The following NKAIN1 variants were observed in gnomAD, a reference collection of about 807,000 sequenced individuals.
NKAIN1 encodes the protein sodium/potassium-transporting ATPase subunit beta-1-interacting protein 1.
In NKAIN1, 13 loss-of-function variants were observed where a neutral mutation model predicts 31.6. That is an observed-to-expected ratio of 0.41 (90% confidence interval 0.27 to 0.65). The LOEUF is 0.65. Among genes scored for constraint, NKAIN1 ranks in the 30% least tolerant of loss-of-function variants. The probability of loss-of-function intolerance (pLI) is 0.30; values close to 1 mark genes in which losing one functional copy is unlikely to be tolerated. For missense variants in NKAIN1, 193 were observed against 262.2 expected (o/e 0.74, Z 1.82); for synonymous variants, 104 against 109.0 (o/e 0.95, Z 0.28).
rs536322767 is a variant in NKAIN1 at position 31,209,033 on chromosome 1, C to T, written c.55-20846G>A. On this transcript the variant is annotated intron_variant, in intron 1 of 6. Transcript: ENST00000373736. ...CTCCCTTCACAGGGAAGATGCCCTC[C>T]GTGGCTTTAACAGGAAGACCATCCC... Among the ~76,000 whole-genome samples the T allele has an allele frequency of 2.0e-4, 31 of 152,342 alleles. No homozygotes were observed. The South Asian group carries it at 3.3e-3, about 16-fold the overall frequency.
chr1:31,182,705 G>T, intron 4 of NKAIN1, 115 bp from the exon 5 acceptor site: 1 of 1,037,120 alleles, frequency 9.6e-7, no homozygotes. Context: ...CAGGATGAAG[G>T]CAAACCGTAA....
chr1:31,231,736 T>A (rs1557664049), intron 1 of NKAIN1, among the ~76,000 whole-genome samples: 2 of 150,792 alleles, frequency 1.3e-5, no homozygotes, highest in Non-Finnish European at 3.0e-5. Context: ...TTCACAGTGT[T>A]AGCCAGGATG....
chr1:31,217,567 G>C (rs1486935651), intron 1 of NKAIN1, among the ~76,000 whole-genome samples: 1 of 152,212 alleles, frequency 6.6e-6, no homozygotes, highest in Non-Finnish European at 1.5e-5. Context: ...ATGGGGAAAG[G>C]CTCTAGCAGC....
chr1:31,235,726 G>A (rs966612522), intron 1 of NKAIN1, among the ~76,000 whole-genome samples: 2 of 152,188 alleles, frequency 1.3e-5, no homozygotes, highest in African/African-American at 4.8e-5. Context: ...CAGCGAGCCA[G>A]ACCAATAATG....
intron 1 of NKAIN1, among the ~76,000 whole-genome samples, chr1:31,236,690 C>T (rs745530232): frequency 6.6e-6 from 1 of 152,172 alleles, no homozygotes; most frequent in Non-Finnish European, 1.5e-5. Context: ...GCCACCCAGC[C>T]GGGATGTGGG....
chr1:31,235,045 T>C (rs1292937208), intron 1 of NKAIN1, among the ~76,000 whole-genome samples: 1 of 152,224 alleles, frequency 6.6e-6, no homozygotes, highest in African/African-American at 2.4e-5. Context: ...TCATTTAACA[T>C]GCACCAGGCA....
chr1:31,204,594 A>C (rs1645409416), intron 1 of NKAIN1, among the ~76,000 whole-genome samples: 1 of 152,174 alleles, frequency 6.6e-6, no homozygotes, highest in Non-Finnish European at 1.5e-5. Flanking sequence ...AGGGGAAGAC[A>C]ATCCAGGAAG....
intron 1 of NKAIN1, among the ~76,000 whole-genome samples, chr1:31,223,637 G>C (rs1481249619): frequency 1.3e-5 from 2 of 152,058 alleles, no homozygotes; most frequent in African/African-American, 2.4e-5. Flanking sequence ...GTAGAGACGG[G>C]GTTTCACCGT....
chr1:31,186,687 A>G (rs963821770), intron 2 of NKAIN1, among the ~76,000 whole-genome samples: 4 of 151,984 alleles, frequency 2.6e-5, no homozygotes, highest in Non-Finnish European at 5.9e-5. Context: ...GGATGCCCTC[A>G]CTCCATCACT....
At chr1:31,200,667 C>T (rs1645373361) in intron 1 of NKAIN1, among the ~76,000 whole-genome samples, 1 of 151,970 alleles carries the variant, frequency 6.6e-6, no homozygotes. Context: ...CACTATATTT[C>T]CCAGGCTGGT....
rs553065416 is a variant in NKAIN1 at position 31,223,450 on chromosome 1, T to C, written c.54+16044A>G. On this transcript the variant is annotated intron_variant, in intron 1 of 6. Coordinates refer to ENST00000373736, the MANE Select transcript of NKAIN1 (RefSeq NM_024522.3). The stretch of plus-strand genomic sequence containing the variant: ...GCTGGTACTGTTTGTTTTGTTTTGT[T>C]TTGTTTTTGAGACGGAGTCTCGCTC... 1.4e-4 allele frequency among the ~76,000 whole-genome samples: 21 copies of C among 152,086 alleles called. 1 individual carries two copies. Among genetic ancestry groups the C allele is most frequent in the African/African-American group, 4.6e-4 (19 of 41,506 alleles).
chr1:31,230,881 T>A (rs1042077094), intron 1 of NKAIN1, among the ~76,000 whole-genome samples: 1 of 93,118 alleles, frequency 1.1e-5, no homozygotes. Context: ...TTGGGTTATT[T>A]TTTTTTTTTT....
At chr1:31,225,033 C>CTTTTCTTTTTTTCTTTTT (rs542671307) in intron 1 of NKAIN1, among the ~76,000 whole-genome samples, 1 of 112,132 alleles carries the variant, frequency 8.9e-6, no homozygotes, top group African/African-American at 4.2e-5. Context: ...CTTTTCTTTT[C>CTTTTCTTTTTTTCTTTTT]TTTTTTTTTT....
intron 5 of NKAIN1, 131 bp from the exon 6 acceptor site, chr1:31,182,072 G>C (rs1645206209): frequency 7.7e-6 from 7 of 904,746 alleles, no homozygotes; most frequent in Middle Eastern, 2.6e-4. Flanking sequence ...GCCATGAGGA[G>C]GGGAGGGGCG....
At chr1:31,187,950 C>G (rs1645257616) in intron 2 of NKAIN1, 100 bp downstream of exon 2, 2 of 1,286,780 alleles carry the variant, frequency 1.6e-6, no homozygotes, top group African/African-American at 3.0e-5. Flanking sequence ...ACCAGTGCCC[C>G]AGTGTTGGGG....
chr1:31,203,175 G>A (rs1413798575), intron 1 of NKAIN1, among the ~76,000 whole-genome samples: 10 of 151,818 alleles, frequency 6.6e-5, no homozygotes, highest in Non-Finnish European at 1.5e-5. Context: ...TGAGGCAGGA[G>A]AATCACTTGC....
At chr1:31,235,575 G>A (rs6697451) in intron 1 of NKAIN1, among the ~76,000 whole-genome samples, 15,399 of 152,116 alleles carry the variant, frequency 0.1, 980 homozygotes, top group Non-Finnish European at 0.14. Context: ...ATTTGAGGCT[G>A]CAGTGGGTTA....
chr1:31,227,894 G>T (rs934468512), intron 1 of NKAIN1, among the ~76,000 whole-genome samples: 49 of 152,310 alleles, frequency 3.2e-4, no homozygotes, highest in African/African-American at 1.1e-3. Context: ...CCAGTGGGGT[G>T]TGTCAGAGTC....
intron 1 of NKAIN1, among the ~76,000 whole-genome samples, chr1:31,223,723 C>T (rs753773383): frequency 1.3e-5 from 2 of 152,116 alleles, no homozygotes; most frequent in East Asian, 1.9e-4. Flanking sequence ...GGATTACAGG[C>T]GTGAGCCACC....
Sources: allele counts gnomAD v4.1 joint callset (sites outside exome capture counted in the v4.1 genomes callset), GRCh38; gene constraint gnomAD v4.1.1; transcripts MANE v1.5; gene names NCBI Gene and HGNC (gene_info 2026-07-23, HGNC 2026-07-21).